The following FMN2 variants were observed in gnomAD, a reference collection of about 807,000 sequenced individuals.
The protein encoded by FMN2 is formin 2.
Under a neutral mutation model 142.3 loss-of-function variants are expected in FMN2, and 51 were observed. The ratio of observed to expected loss-of-function variants is 0.36; its 90% CI spans 0.29 to 0.45. The LOEUF is 0.45. Ranked by LOEUF, FMN2 falls within the 20% of genes least tolerant of loss-of-function variation. The pLI is 1.00. For missense variants in FMN2, 1,936 were observed against 2,122.8 expected, an observed-to-expected ratio of 0.91 and a Z score of 1.73; for synonymous variants, 882 against 869.8, an observed-to-expected ratio of 1.01 and a Z score of -0.25.
At chr1:240,225,593 C>G (rs1388824417) in intron 6 of FMN2, among the ~76,000 whole-genome samples, 2 of 152,152 alleles carry the variant, frequency 1.3e-5, no homozygotes, top group East Asian at 3.9e-4. Flanking sequence ...AGGGAAAAAT[C>G]AATATCTGGA....
chr1:240,304,766 A>C (rs1670321627), intron 8 of FMN2, among the ~76,000 whole-genome samples: 1 of 152,202 alleles, frequency 6.6e-6, no homozygotes, highest in Admixed American at 6.5e-5. Context: ...AGGTTGGCTC[A>C]CTTTGGCTCC....
chr1:240,369,908 GC>G (rs1672807571), intron 14 of FMN2, among the ~76,000 whole-genome samples: 4 of 152,178 alleles, frequency 2.6e-5, no homozygotes, highest in African/African-American at 9.7e-5. Context: ...CAGTGTGGTT[GC>G]CCATGATGGG....
At chr1:240,442,362 G>A (rs1022066774) in intron 16 of FMN2, among the ~76,000 whole-genome samples, 1 of 152,202 alleles carries the variant, frequency 6.6e-6, no homozygotes, top group African/African-American at 2.4e-5. Flanking sequence ...TGGTGGTACC[G>A]TGGTTAGCTT....
chr1:240,408,898 A>G (rs1374726752), intron 15 of FMN2, among the ~76,000 whole-genome samples: 3 of 152,152 alleles, frequency 2.0e-5, no homozygotes, highest in Non-Finnish European at 2.9e-5. Flanking sequence ...CGTATTTTCA[A>G]AATCTATATT....
chr1:240,092,615 C>A lies in FMN2; in HGVS notation c.506C>A (p.Ala169Glu). The change falls in exon 1 of 18, where the codon GCG (alanine) becomes GAG (glutamate). Residue 169 changes from alanine to glutamate, a missense_variant. Transcript: ENST00000319653. ...IAEDVETAAG[A>E]QDGQRTSSGS... ...GAGGATGTGGAAACTGCAGCAGGGG[C>A]GCAGGATGGACAAAGGACCAGCTCG... The A allele has an allele frequency of 1.2e-6, 2 of 1,614,058 alleles. No individual in the cohort carries two copies. Among genetic ancestry groups the A allele is most frequent in the Non-Finnish European group, 1.7e-6 (2 of 1,180,020 alleles).
intron 6 of FMN2, among the ~76,000 whole-genome samples, chr1:240,219,663 A>AT (rs1253124927): frequency 2.7e-5 from 4 of 150,914 alleles, no homozygotes; most frequent in African/African-American, 4.9e-5. Context: ...TTTTGTATTT[A>AT]TTTTTTTTTG....
chr1:240,142,879 G>A (rs576372026), intron 2 of FMN2: 1 of 1,600,998 alleles, frequency 6.2e-7, no homozygotes, highest in East Asian at 2.2e-5. Flanking sequence ...ACTGGCAATG[G>A]CCTCAGCTCC....
At chr1:240,347,669 G>T (rs1297450279) in intron 13 of FMN2, among the ~76,000 whole-genome samples, 3 of 152,114 alleles carry the variant, frequency 2.0e-5, no homozygotes, top group African/African-American at 7.2e-5. Context: ...CCAACAGGTA[G>T]TTTTTCAGCT....
At chr1:240,164,525 G>T (rs890588335) in intron 2 of FMN2, among the ~76,000 whole-genome samples, 1 of 152,006 alleles carries the variant, frequency 6.6e-6, no homozygotes, top group African/African-American at 2.4e-5. Context: ...TTCCTTTAGT[G>T]CAAGCCTGCT....
At chr1:240,330,873 TC>T in intron 11 of FMN2, 124 bp downstream of exon 11, 1 of 1,181,876 alleles carries the variant, frequency 8.5e-7, no homozygotes, top group East Asian at 2.7e-5. Context: ...TTCTTTATGT[TC>T]TGAGCTAGAA....
chr1:240,159,968 T>C (rs1481290588), intron 2 of FMN2, among the ~76,000 whole-genome samples: 2 of 111,182 alleles, frequency 1.8e-5, no homozygotes, highest in African/African-American at 4.2e-5. Flanking sequence ...TGTGTATATA[T>C]ATATATACAC....
At chr1:240,217,504 T>C (rs965228718) in intron 6 of FMN2, among the ~76,000 whole-genome samples, 2 of 152,206 alleles carry the variant, frequency 1.3e-5, no homozygotes, top group African/African-American at 4.8e-5. Context: ...AAACATTTGG[T>C]ACTTTGTAAC....
At chr1:240,406,389 G>A (rs1246108879) in intron 15 of FMN2, among the ~76,000 whole-genome samples, 1 of 151,276 alleles carries the variant, frequency 6.6e-6, no homozygotes, top group Non-Finnish European at 1.5e-5. Context: ...GGGAGTGGGG[G>A]AATGGGTCAG....
At chr1:240,238,749 C>G (rs1667792654) in intron 6 of FMN2, among the ~76,000 whole-genome samples, 1 of 152,118 alleles carries the variant, frequency 6.6e-6, no homozygotes, top group Non-Finnish European at 1.5e-5. Context: ...ATAGGAGTAG[C>G]ATTACTTGAA....
chr1:240,098,672 T>C (rs1004721015), intron 1 of FMN2, among the ~76,000 whole-genome samples: 2 of 152,208 alleles, frequency 1.3e-5, no homozygotes, highest in African/African-American at 4.8e-5. Flanking sequence ...TTTGGCGATG[T>C]AAGCGGGGAC....
At chr1:240,391,159 T>C (rs1673590324) in intron 14 of FMN2, among the ~76,000 whole-genome samples, 1 of 152,116 alleles carries the variant, frequency 6.6e-6, no homozygotes, top group African/African-American at 2.4e-5. Flanking sequence ...TGTAAGTTTA[T>C]ACAAACAATC....
At chr1:240,199,308 C>T (rs2103368533) in intron 4 of FMN2, among the ~76,000 whole-genome samples, 1 of 152,186 alleles carries the variant, frequency 6.6e-6, no homozygotes, top group East Asian at 1.9e-4. Context: ...TAAATTATTA[C>T]AGCGTTAACT....
intron 2 of FMN2, among the ~76,000 whole-genome samples, chr1:240,176,090 TC>T (rs1426905019): frequency 2.6e-5 from 4 of 152,176 alleles, no homozygotes; most frequent in African/African-American, 9.7e-5. Flanking sequence ...AAATTTTTGT[TC>T]CTTGTGCTTT....
chr1:240,349,277 C>T (rs530374657), intron 13 of FMN2, among the ~76,000 whole-genome samples: 21 of 152,256 alleles, frequency 1.4e-4, no homozygotes, highest in African/African-American at 5.1e-4. Flanking sequence ...ACCAGGCTTA[C>T]GTGGGAAACA....
Sources: gnomAD v4.1 joint callset for allele counts (sites outside exome capture counted in the v4.1 genomes callset) on GRCh38, gnomAD v4.1.1 for gene constraint, MANE v1.5 for transcripts, NCBI Gene and HGNC (gene_info 2026-07-23, HGNC 2026-07-21) for gene names.